The following PTPN20 variants were observed in gnomAD, a reference collection of about 807,000 sequenced individuals.
PTPN20 encodes tyrosine-protein phosphatase non-receptor type 20.
PTPN20 carries 9 observed loss-of-function variants against 35.0 expected under a neutral mutation model. That is an observed-to-expected ratio of 0.26 (90% CI 0.15 to 0.45). The LOEUF (loss-of-function observed/expected upper bound fraction) is 0.45. Among genes scored for constraint, PTPN20 ranks in the 20% least tolerant of loss-of-function variants. The probability of loss-of-function intolerance (pLI) is 1.00; values close to 1 mark genes in which losing one functional copy is unlikely to be tolerated. For missense variants in PTPN20, 111 were observed against 312.5 expected, an observed-to-expected ratio of 0.36 and a Z score of 4.86; for synonymous variants, 32 against 100.2, an observed-to-expected ratio of 0.32 and a Z score of 4.06.
chr10:46,975,835 AT>A (rs2053399342), intron 7 of PTPN20, among the ~76,000 whole-genome samples: 1 of 150,820 alleles, frequency 6.6e-6, no homozygotes, highest in South Asian at 2.1e-4. Context: ...CTAATTTTGT[AT>A]TTTTAGTAGA....
intron 1 of PTPN20, among the ~76,000 whole-genome samples, chr10:46,929,347 G>T (rs1383126440): frequency 6.9e-6 from 1 of 145,384 alleles, no homozygotes; most frequent in Non-Finnish European, 1.5e-5. Context: ...TCTTTTATCA[G>T]GGCTAATTCT....
intron 5 of PTPN20, among the ~76,000 whole-genome samples, chr10:46,953,353 T>TTCTTTCTTTC (rs1555148679): frequency 1.5e-5 from 2 of 136,392 alleles, no homozygotes; most frequent in Non-Finnish European, 3.0e-5. Flanking sequence ...CTTTCTTTCT[T>TTCTTTCTTTC]TCTTTCTTTC....
chr10:47,003,345 G>A (rs1157929802), downstream of PTPN20, among the ~76,000 whole-genome samples: 1 of 152,044 alleles, frequency 6.6e-6, no homozygotes, highest in South Asian at 2.1e-4. Context: ...CAGTAGCTGA[G>A]TATTGCTCCA....
chr10:46,999,840 C>G (rs2059786884), intron 9 of PTPN20, 72 bp from the exon 10 acceptor site: 1 of 1,553,720 alleles, frequency 6.4e-7, no homozygotes, highest in African/African-American at 1.4e-5. Flanking sequence ...CTCTTTCACC[C>G]TTTTTGGCAA....
chr10:47,000,653 G>A, intron 10 of PTPN20, 23 bp from the exon 11 acceptor site: 2 of 1,611,522 alleles, frequency 1.2e-6, no homozygotes, highest in South Asian at 1.1e-5. Context: ...ACATTCTGTT[G>A]TTTTTTATAT....
chr10:46,941,557 T>C (rs2043511501), intron 3 of PTPN20, among the ~76,000 whole-genome samples: 1 of 116,902 alleles, frequency 8.6e-6, no homozygotes, highest in Non-Finnish European at 1.7e-5. Flanking sequence ...GTTTTCTCTT[T>C]GAAGCAGAGA....
rs1446300471 is a variant in PTPN20 at position 46,941,675 on chromosome 10, T to A, written c.129+958T>A. On this transcript the variant is annotated intron_variant, in intron 3 of 10. Transcript: ENST00000374339. ...ACTGAGCACATTTTGTGATTTTGTT[T>A]ATATTTTTACTTTGGGTTTTTTTTT... 2.3e-4 allele frequency among the ~76,000 whole-genome samples: 34 copies of A among 149,442 alleles called. 1 individual carries two copies. In the South Asian group the frequency reaches 7.2e-3, roughly 32 times the overall value.
intron 9 of PTPN20, among the ~76,000 whole-genome samples, chr10:46,992,891 T>A (rs2058264563): frequency 6.6e-6 from 1 of 152,208 alleles, no homozygotes; most frequent in Non-Finnish European, 1.5e-5. Flanking sequence ...TCGATGAGGC[T>A]TTTTGTTTTT....
At chr10:46,915,836 T>G (rs1589119263) in intron 1 of PTPN20, among the ~76,000 whole-genome samples, 4 of 67,346 alleles carry the variant, frequency 5.9e-5, no homozygotes, top group Admixed American at 5.2e-4. Context: ...AGACTCCGTC[T>G]AAAAAAAAAA....
chr10:46,996,960 G>A (rs1467387033), intron 9 of PTPN20, among the ~76,000 whole-genome samples: 1 of 152,112 alleles, frequency 6.6e-6, no homozygotes, highest in African/African-American at 2.4e-5. Flanking sequence ...CTATCCTAGG[G>A]TCTGTGCTTT....
intron 1 of PTPN20, among the ~76,000 whole-genome samples, chr10:46,928,378 G>A (rs1466782442): frequency 1.3e-5 from 2 of 151,138 alleles, no homozygotes; most frequent in Non-Finnish European, 3.0e-5. Flanking sequence ...TTATCTTTTT[G>A]TGGCTTTTTA....
At chr10:46,985,475 ATTTAAG>A (rs1282284491) in intron 8 of PTPN20, among the ~76,000 whole-genome samples, 2 of 145,566 alleles carry the variant, frequency 1.4e-5, no homozygotes, top group African/African-American at 5.2e-5. Context: ...ACATGTGGAT[ATTTAAG>A]TTTAAATTTA....
At chr10:46,959,508 TAAG>T (rs2049304336) in intron 5 of PTPN20, among the ~76,000 whole-genome samples, 1 of 147,590 alleles carries the variant, frequency 6.8e-6, no homozygotes, top group South Asian at 2.1e-4. Flanking sequence ...TAATTACTGA[TAAG>T]GAGAGACTTC....
intron 7 of PTPN20, among the ~76,000 whole-genome samples, chr10:46,983,168 C>T (rs1291245357): frequency 1.3e-5 from 2 of 151,252 alleles, no homozygotes; most frequent in Non-Finnish European, 2.9e-5. Flanking sequence ...CCTCCGCCTC[C>T]CTGGTTCAAG....
chr10:46,997,219 G>C (rs1308972678), intron 9 of PTPN20, among the ~76,000 whole-genome samples: 1 of 151,990 alleles, frequency 6.6e-6, no homozygotes, highest in Non-Finnish European at 1.5e-5. Context: ...CATTTTCTTT[G>C]GAGCAATTGT....
chr10:46,933,480 C>T (rs1376305312), intron 2 of PTPN20, among the ~76,000 whole-genome samples: 2 of 148,344 alleles, frequency 1.3e-5, no homozygotes, highest in African/African-American at 5.2e-5. Flanking sequence ...TTCCTCTATA[C>T]CCTGGAAACC....
intron 10 of PTPN20, 76 bp downstream of exon 10, chr10:47,000,050 A>C: frequency 6.3e-7 from 1 of 1,588,762 alleles, no homozygotes; most frequent in East Asian, 2.2e-5. Flanking sequence ...TTACCACTTA[A>C]AAGCTCTTTT....
intron 2 of PTPN20, among the ~76,000 whole-genome samples, chr10:46,934,563 T>TC (rs1303459916): frequency 8.0e-6 from 1 of 124,316 alleles, no homozygotes; most frequent in African/African-American, 3.3e-5. Flanking sequence ...AGATGTTGGA[T>TC]CATAGGGGCA....
At chr10:46,994,354 A>T in intron 9 of PTPN20, among the ~76,000 whole-genome samples, 1 of 99,642 alleles carries the variant, frequency 1.0e-5, no homozygotes. Flanking sequence ...TTTGAGACGG[A>T]GTCTCGCTCT....
Sources: allele counts gnomAD v4.1 joint callset (sites outside exome capture counted in the v4.1 genomes callset), GRCh38; gene constraint gnomAD v4.1.1; transcripts MANE v1.5; gene names NCBI Gene and HGNC (gene_info 2026-07-23, HGNC 2026-07-21).